SCN3A: variants seen among roughly 807,000 people sequenced by gnomAD.
The protein encoded by SCN3A is sodium channel protein type 3 subunit alpha.
Under a neutral mutation model 187.6 loss-of-function variants are expected in SCN3A, and 60 were observed. The observed-to-expected ratio is 0.32, with a 90% CI of 0.26 to 0.40. SCN3A has a LOEUF of 0.40. Ranked by LOEUF, SCN3A falls within the 10% of genes least tolerant of loss-of-function variation. The pLI is 1.00. For missense variants in SCN3A, 1,601 were observed against 2,428.2 expected, an observed-to-expected ratio of 0.66 and a Z score of 7.16; for synonymous variants, 788 against 829.2, an observed-to-expected ratio of 0.95 and a Z score of 0.85.
rs763434838 is a variant in SCN3A at position 165,163,596 on chromosome 2, C to T, written c.694+22G>A. ...CAAACTCAATAATTAAAGTCAACCT[C>T]GGTGTTTAACCTAGCTCTCACCTGG... On this transcript the variant is annotated intron_variant, in intron 7 of 27. Coordinates refer to ENST00000283254, the MANE Select transcript of SCN3A (RefSeq NM_006922.4). The T allele has an allele frequency of 1.1e-5, 17 of 1,612,670 alleles. No individual in the cohort carries two copies. In the Admixed American group the frequency reaches 1.3e-4, roughly 13 times the overall value.
In SCN3A at chr2:165,092,220, T is replaced by G. The variant is rs1174624994; in HGVS notation, c.4807+34A>C. On this transcript the variant is annotated intron_variant, in intron 27 of 27. Coordinates refer to ENST00000283254, the MANE Select transcript of SCN3A (RefSeq NM_006922.4). This position sits in a 1 kb window ranked among gnomAD's most constrained non-coding sequence, Gnocchi z 4.2. ...AGGTCCTGGGGCAACTGTTTCTCTG[T>G]AACTATACCTCTTGGTAATTAAGCT... is the stretch of plus-strand genomic sequence containing the variant. 1 of 1,608,200 alleles carries G rather than the reference T, an allele frequency of 6.2e-7. No homozygotes were observed. The highest frequency in any genetic ancestry group is 8.5e-7 in the Non-Finnish European group (1 of 1,174,838).
At chr2:165,130,556 A>T (rs753288363) in intron 16 of SCN3A, 5 of 464,272 alleles carry the variant, frequency 1.1e-5, no homozygotes, top group Non-Finnish European at 1.9e-5. Context: ...TCATCCAAAG[A>T]TATGCCCATG....
intron 3 of SCN3A, 89 bp from the exon 4 acceptor site, chr2:165,170,637 AATTT>A (rs1690044099): frequency 2.5e-6 from 2 of 814,552 alleles, no homozygotes; most frequent in East Asian, 5.0e-5. Context: ...TAAAAAATAG[AATTT>A]GTTTGTTCAA....
chr2:165,149,098 T>A (rs935937671), intron 11 of SCN3A, among the ~76,000 whole-genome samples: 4 of 152,210 alleles, frequency 2.6e-5, no homozygotes, highest in Non-Finnish European at 5.9e-5. Context: ...TTGACTTGTT[T>A]GTCCCTGCAA....
In SCN3A at chr2:165,095,586, G is replaced by T. The variant is rs770337795; in HGVS notation, c.4356C>A (p.Ile1452=). The change falls in exon 25 of 28, where the codon ATC becomes ATA. Residue 1452 remains isoleucine, a synonymous_variant. Coordinates refer to ENST00000283254, the MANE Select transcript of SCN3A (RefSeq NM_006922.4). ...TCAGAGTGAAGAATGACCCAAAGAT[G>T]ATAAAGATGACAAAGTATAAATACA... The part of the protein sequence containing the change: ...LYMYLYFVIF[I]IFGSFFTLNL... 12 of 1,578,812 alleles carry T rather than the reference G, an allele frequency of 7.6e-6. No homozygotes were observed. The highest frequency in any genetic ancestry group is 9.6e-6 in the Non-Finnish European group (11 of 1,148,348).
intron 22 of SCN3A, 123 bp from the exon 23 acceptor site, chr2:165,097,647 G>C: frequency 8.2e-7 from 1 of 1,223,066 alleles, no homozygotes; most frequent in Non-Finnish European, 1.2e-6. Flanking sequence ...AGGTGGACAA[G>C]TTGTTTCTTC....
chr2:165,094,277 G>T, intron 26 of SCN3A, 97 bp downstream of exon 26: 1 of 882,914 alleles, frequency 1.1e-6, no homozygotes, highest in Non-Finnish European at 1.9e-6. Context: ...GCTCAATATT[G>T]GTGATATCAC....
intron 21 of SCN3A, among the ~76,000 whole-genome samples, chr2:165,105,853 G>C (rs1685827853): frequency 6.6e-6 from 1 of 151,984 alleles, no homozygotes; most frequent in Admixed American, 6.6e-5. Context: ...GACAGAGAGA[G>C]ACTTTGTCTC....
chr2:165,108,859 T>A (rs1685983017), intron 21 of SCN3A, among the ~76,000 whole-genome samples: 1 of 152,126 alleles, frequency 6.6e-6, no homozygotes. Context: ...GAAAAAGTGC[T>A]CCTTCTAGTG....
intron 9 of SCN3A, among the ~76,000 whole-genome samples, chr2:165,160,784 T>C (rs1689316291): frequency 6.6e-6 from 1 of 152,002 alleles, no homozygotes; most frequent in African/African-American, 2.4e-5. Context: ...GAGATACAGG[T>C]GTGCCCCACC....
intron 22 of SCN3A, among the ~76,000 whole-genome samples, chr2:165,098,688 T>G (rs1685470551): frequency 6.6e-6 from 1 of 152,212 alleles, no homozygotes; most frequent in South Asian, 2.1e-4. Flanking sequence ...TAAGGCGGGT[T>G]GGACAAGTTT....
chr2:165,149,836 C>T (rs1688590900), intron 11 of SCN3A, among the ~76,000 whole-genome samples: 1 of 152,152 alleles, frequency 6.6e-6, no homozygotes, highest in Non-Finnish European at 1.5e-5. Flanking sequence ...TTTCTTATAA[C>T]ATTTTTGTGT....
chr2:165,188,804 CAAAAAAAAAA>C (rs763003775), intron 1 of SCN3A, among the ~76,000 whole-genome samples: 3 of 72,574 alleles, frequency 4.1e-5, no homozygotes, highest in African/African-American at 8.7e-5. Flanking sequence ...CGCCCCACTT[CAAAAAAAAAA>C]AAAAAAAAAA....
chr2:165,142,231 G>C (rs1258838346), intron 12 of SCN3A, among the ~76,000 whole-genome samples: 1 of 152,084 alleles, frequency 6.6e-6, no homozygotes, highest in Non-Finnish European at 1.5e-5. Context: ...CTAAGCTTTA[G>C]TGTAAAACCA....
At chr2:165,094,049 GGAGA>G in intron 26 of SCN3A, 1 of 355,878 alleles carries the variant, frequency 2.8e-6, no homozygotes, top group South Asian at 3.1e-5. Flanking sequence ...GGGAGGCCTT[GGAGA>G]GTGGGATGGG....
intron 17 of SCN3A, among the ~76,000 whole-genome samples, chr2:165,129,467 T>A (rs957637425): frequency 6.6e-6 from 1 of 152,220 alleles, no homozygotes; most frequent in Non-Finnish European, 1.5e-5. Context: ...TTGAAATGTG[T>A]CTTCAAAATT....
At chr2:165,098,746 C>A (rs1310916741) in intron 22 of SCN3A, among the ~76,000 whole-genome samples, 1 of 152,190 alleles carries the variant, frequency 6.6e-6, no homozygotes, top group African/African-American at 2.4e-5. Context: ...ATGCATAATA[C>A]ATTATCATAA....
At chr2:165,111,808 T>C (rs897590195) in intron 21 of SCN3A, among the ~76,000 whole-genome samples, 1 of 152,172 alleles carries the variant, frequency 6.6e-6, no homozygotes, top group Non-Finnish European at 1.5e-5. Context: ...GAAATTCATC[T>C]CTATTATTAA....
At chr2:165,145,942 A>G (rs932953929) in intron 12 of SCN3A, among the ~76,000 whole-genome samples, 9 of 152,164 alleles carry the variant, frequency 5.9e-5, no homozygotes, top group African/African-American at 2.2e-4. Flanking sequence ...ACATATGTAA[A>G]CAATACATTA....
Sources: gnomAD v4.1 joint callset for allele counts (sites outside exome capture counted in the v4.1 genomes callset) on GRCh38, gnomAD v4.1.1 for gene constraint, Gnocchi (gnomAD v3.1) non-coding constraint, MANE v1.5 for transcripts, NCBI Gene and HGNC (gene_info 2026-07-23, HGNC 2026-07-21) for gene names.